The following EML4 variants were observed in gnomAD, a reference collection of about 807,000 sequenced individuals.
EML4 encodes echinoderm microtubule-associated protein-like 4.
EML4 carries 72 observed loss-of-function variants against 129.0 expected under a neutral mutation model. The ratio of observed to expected loss-of-function variants is 0.56; its 90% CI spans 0.46 to 0.68. EML4 has a LOEUF of 0.68. Ranked by LOEUF, EML4 falls within the 30% of genes least tolerant of loss-of-function variation. The pLI, the probability that EML4 is intolerant of heterozygous loss-of-function variation, is 0.00. For synonymous variants in EML4, 532 were observed against 405.0 expected (o/e 1.31, Z -3.77); for missense variants, 1,363 against 1,190.6 (o/e 1.14, Z -2.13).
intron 19 of EML4, chr2:42,320,035 C>G (rs1251857338): frequency 2.6e-5 from 4 of 152,188 alleles, no homozygotes; most frequent in Non-Finnish European, 5.9e-5. Flanking sequence ...TTTGGAGTCT[C>G]TCTTCACAGT....
At position 42,301,428 on chromosome 2, in the gene EML4, C is replaced by T. The variant is rs188702533; in HGVS notation, c.1641+36C>T. On this transcript the variant is annotated intron_variant, in intron 14 of 22. Coordinates refer to ENST00000318522, the MANE Select transcript of EML4 (RefSeq NM_019063.5). The stretch of plus-strand genomic sequence containing the variant: ...AAACGGAATATAAAAATATTAAATA[C>T]TCTAAACTCAGGTATTTTGTCCCAC... 395 of 1,506,512 alleles carry T rather than the reference C, an allele frequency of 2.6e-4. No homozygotes were observed. In the African/African-American group the frequency reaches 5.2e-3, roughly 20 times the overall value. 93.3% of individuals were successfully genotyped at this position (1,506,512 alleles called of 1,614,324 possible).
In EML4 at chr2:42,332,314, G is replaced by C. The variant is rs559896938; in HGVS notation, c.*2107G>C. 4.7e-6 allele frequency: 1 copy of C among 211,768 alleles called. No individual in the cohort carries two copies. Among genetic ancestry groups the C allele is most frequent in the Non-Finnish European group, 9.6e-6 (1 of 104,202 alleles). The allele number at this position is 211,768 out of a possible 1,614,324, so 13.1% of individuals were successfully genotyped here. On this transcript the variant is annotated 3_prime_UTR_variant, in exon 23 of 23. Coordinates refer to ENST00000318522, the MANE Select transcript of EML4 (RefSeq NM_019063.5). Reference sequence around the variant, plus strand: ...AAGACACTACTAATACGCAGGAAGCGTTCCAGCTATTTAATGCTGGCAACT... The same window carrying C: ...AAGACACTACTAATACGCAGGAAGCCTTCCAGCTATTTAATGCTGGCAACT...
chr2:42,245,096 T>TTTTTTTTTC (rs1675308441), intron 1 of EML4, among the ~76,000 whole-genome samples: 1 of 100,392 alleles, frequency 1.0e-5, no homozygotes, highest in Admixed American at 1.1e-4. Context: ...TTTTCTTTCT[T>TTTTTTTTTC]TTTTTTTTTT....
intron 2 of EML4, among the ~76,000 whole-genome samples, chr2:42,252,535 A>G (rs71441187): frequency 6.6e-6 from 1 of 151,978 alleles, no homozygotes; most frequent in Non-Finnish European, 1.5e-5. Context: ...GTGGTTCTTT[A>G]TTCTTTATAG....
intron 1 of EML4, among the ~76,000 whole-genome samples, chr2:42,192,232 G>GTT (rs1312027435): frequency 3.2e-5 from 4 of 126,308 alleles, no homozygotes; most frequent in African/African-American, 3.0e-5. Flanking sequence ...TTGTTTTTTT[G>GTT]TTTTTTTTTT....
rs113449737 is a variant in EML4 at position 42,189,234 on chromosome 2, C to T, written c.25+19598C>T. The stretch of plus-strand genomic sequence containing the variant: ...TGTGGGGAGCACCTGAAATTATATT[C>T]ATGAAGTGCCTGATTTATAAGAGAG... On this transcript the variant is annotated intron_variant, in intron 1 of 22. Coordinates refer to ENST00000318522, the MANE Select transcript of EML4 (RefSeq NM_019063.5). 7.5e-3 allele frequency among the ~76,000 whole-genome samples: 1,139 copies of T among 152,242 alleles called. 9 individuals carry two copies. Among genetic ancestry groups the T allele is most frequent in the Non-Finnish European group, 7.8e-3 (533 of 68,022 alleles).
rs183096639 is a variant in EML4 at position 42,282,688 on chromosome 2, G to C, written c.792-135G>C. ...GATTACACGTGTGAGCACTCTGCCC[G>C]TCCAGGACATGAGTTTTCTAGTTCT... On this transcript the variant is annotated intron_variant, in intron 7 of 22. Coordinates refer to ENST00000318522, the MANE Select transcript of EML4 (RefSeq NM_019063.5). 34 of 770,286 alleles carry C rather than the reference G, an allele frequency of 4.4e-5. No individual in the cohort carries two copies. The South Asian group carries it at 4.8e-4, about 11-fold the overall frequency. The allele number at this position is 770,286 out of a possible 1,614,324, so 47.7% of individuals were successfully genotyped here. A position where few individuals can be genotyped will look rare whatever the true frequency, so the allele number is the denominator to read the frequency against.
At chr2:42,256,849 AAAG>A (rs1259875830) in intron 3 of EML4, among the ~76,000 whole-genome samples, 1 of 152,204 alleles carries the variant, frequency 6.6e-6, no homozygotes. Flanking sequence ...CGTTCTCACT[AAAG>A]AAAGAAAGCA....
intron 1 of EML4, among the ~76,000 whole-genome samples, chr2:42,191,411 G>A (rs1671573369): frequency 6.6e-6 from 1 of 152,106 alleles, no homozygotes; most frequent in South Asian, 2.1e-4. Flanking sequence ...ACTAGTTTGA[G>A]AAATTCTAAG....
intron 21 of EML4, among the ~76,000 whole-genome samples, chr2:42,326,907 G>T (rs1204203046): frequency 6.6e-6 from 1 of 152,058 alleles, no homozygotes; most frequent in African/African-American, 2.4e-5. Context: ...GTAAAATTCA[G>T]TGGTTTTTGT....
chr2:42,232,453 G>A (rs1244787142), intron 1 of EML4, among the ~76,000 whole-genome samples: 2 of 152,150 alleles, frequency 1.3e-5, no homozygotes, highest in Non-Finnish European at 2.9e-5. Flanking sequence ...CCTTACATTT[G>A]TCTGGTGATT....
At chr2:42,247,130 G>C (rs1675457888) in intron 2 of EML4, among the ~76,000 whole-genome samples, 1 of 152,134 alleles carries the variant, frequency 6.6e-6, no homozygotes, top group Non-Finnish European at 1.5e-5. Flanking sequence ...ATAGGTTGAG[G>C]ACAAAAAGGC....
chr2:42,197,419 AAGAT>A (rs1313746567), intron 1 of EML4, among the ~76,000 whole-genome samples: 8 of 152,230 alleles, frequency 5.3e-5, no homozygotes, highest in African/African-American at 1.9e-4. Flanking sequence ...ACCCCCCAAA[AAGAT>A]AGATATAGGC....
chr2:42,301,969 C>T (rs1036328883), intron 14 of EML4, among the ~76,000 whole-genome samples: 2 of 152,030 alleles, frequency 1.3e-5, no homozygotes, highest in African/African-American at 2.4e-5. Context: ...TTGGATTCCT[C>T]TTAGAGTTCA....
chr2:42,282,742 A>C (rs755042342), intron 7 of EML4, 81 bp from the exon 8 acceptor site: 1 of 1,240,686 alleles, frequency 8.1e-7, no homozygotes, highest in African/African-American at 1.5e-5. Context: ...GTACCTTCCT[A>C]ATTCCTTAAG....
At chr2:42,211,017 C>G (rs564868769) in intron 1 of EML4, among the ~76,000 whole-genome samples, 2 of 152,244 alleles carry the variant, frequency 1.3e-5, no homozygotes, top group Admixed American at 1.3e-4. Flanking sequence ...ATCAGAAGGT[C>G]CATGTAATCT....
chr2:42,295,167 G>C lies in EML4; in HGVS notation c.1261G>C (p.Asp421His). 1 of 1,612,628 alleles carries C rather than the reference G, an allele frequency of 6.2e-7. No individual in the cohort carries two copies. The highest frequency in any genetic ancestry group is 8.5e-7 in the Non-Finnish European group (1 of 1,179,594). The change falls in exon 12 of 23, where the codon GAT becomes CAT. Residue 421 changes from aspartate (D) to histidine (H), a missense_variant. By Grantham distance (81) the Asp-to-His change is moderately conservative. Transcript: ENST00000318522. ...TTTGGCTGTGGAGTTTCACCCAACA[G>C]ATGCAAATACCATAATTACATGCGG... ...VVLAVEFHPT[D>H]ANTIITCGKS... is the part of the protein sequence containing the mutation.
At chr2:42,316,537 C>G (rs1669253304) in intron 18 of EML4, among the ~76,000 whole-genome samples, 1 of 152,170 alleles carries the variant, frequency 6.6e-6, no homozygotes, top group Non-Finnish European at 1.5e-5. Context: ...TAGCAATTCT[C>G]TATAAGAATT....
chr2:42,176,402 A>G (rs1670605061), intron 1 of EML4, among the ~76,000 whole-genome samples: 1 of 152,144 alleles, frequency 6.6e-6, no homozygotes, highest in African/African-American at 2.4e-5. Flanking sequence ...TGATTGTGCT[A>G]TTCACCCTCT....
Sources: allele counts gnomAD v4.1 joint callset (sites outside exome capture counted in the v4.1 genomes callset), GRCh38; gene constraint gnomAD v4.1.1; transcripts MANE v1.5; gene names NCBI Gene and HGNC (gene_info 2026-07-23, HGNC 2026-07-21).